The following DPP6 variants were observed in gnomAD, a reference collection of about 807,000 sequenced individuals.
DPP6 encodes dipeptidyl peptidase like 6.
A neutral mutation model predicts 122.6 loss-of-function variants in DPP6; 69 were observed. The ratio of observed to expected loss-of-function variants is 0.56; its 90% CI spans 0.46 to 0.69. The LOEUF (loss-of-function observed/expected upper bound fraction) is 0.69, where lower values mean the gene tolerates loss of function less well. DPP6 is among the 30% of genes least tolerant of loss of function. The pLI, the probability that DPP6 is intolerant of heterozygous loss-of-function variation, is 0.00. For synonymous variants in DPP6, 418 were observed against 433.1 expected (o/e 0.97, Z 0.43); for missense variants, 928 against 1,116.9 (o/e 0.83, Z 2.41).
chr7:153,779,257 A>G, the DPP6 span, among the ~76,000 whole-genome samples: 1 of 147,746 alleles, frequency 6.8e-6, no homozygotes. Flanking sequence ...AGCATGAAGT[A>G]TCTTGTGGTG....
rs79636422 is a variant in DPP6 at position 154,405,233 on chromosome 7, G to A, written c.244-40981G>A. Among the ~76,000 whole-genome samples, 602 of 152,144 alleles carry A rather than the reference G, an allele frequency of 4.0e-3. 5 individuals carry two copies. Among genetic ancestry groups the A allele is most frequent in the African/African-American group, 0.013 (560 of 41,504 alleles). ...TCATACACCCATTAAATTACATAGC[G>A]CTTCCTCCAGATCTTCAGGTCCAGA... is the stretch of plus-strand genomic sequence containing the variant. On this transcript the variant is annotated intron_variant, in intron 1 of 25. Transcript: ENST00000377770.
chr7:154,531,421 A>G (rs993958349), intron 3 of DPP6, among the ~76,000 whole-genome samples: 10 of 152,212 alleles, frequency 6.6e-5, no homozygotes, highest in Non-Finnish European at 1.3e-4. Context: ...TAAACTGGAA[A>G]TCTATATTCA....
At chr7:154,367,963 C>G (rs958693571) in intron 1 of DPP6, among the ~76,000 whole-genome samples, 1 of 152,108 alleles carries the variant, frequency 6.6e-6, no homozygotes, top group South Asian at 2.1e-4. Context: ...CCTGCCACCA[C>G]GCCCAACTGA....
In DPP6 at chr7:154,372,765, G is replaced by T. The variant is rs548137166; in HGVS notation, c.244-73449G>T. Among the ~76,000 whole-genome samples, 167 of 152,330 alleles carry T rather than the reference G, an allele frequency of 1.1e-3. 1 individual carries two copies. The highest frequency in any genetic ancestry group is 2.0e-3 in the Non-Finnish European group (134 of 68,028). Reference sequence around the variant, plus strand: ...AACAGTTGATAGTTTGCCAGTGCAGGTTCTGCTCTGTGAGGCACGTCCAGG... The same window carrying T: ...AACAGTTGATAGTTTGCCAGTGCAGTTTCTGCTCTGTGAGGCACGTCCAGG... On this transcript the variant is annotated intron_variant, in intron 1 of 25. Transcript: ENST00000377770.
chr7:154,112,829 A>G (rs894407128), intron 1 of DPP6, among the ~76,000 whole-genome samples: 1 of 152,198 alleles, frequency 6.6e-6, no homozygotes, highest in Non-Finnish European at 1.5e-5. Flanking sequence ...GGATACAGCA[A>G]ATATCTAGAA....
the DPP6 span, among the ~76,000 whole-genome samples, chr7:153,785,774 T>A: frequency 1.8e-4 from 28 of 152,268 alleles, no homozygotes; most frequent in African/African-American, 2.4e-4. Context: ...CACTTCAGCC[T>A]CCCTAGTACC....
chr7:153,825,768 C>A, the DPP6 span, among the ~76,000 whole-genome samples: 455 of 152,144 alleles, frequency 3.0e-3, 7 homozygotes, highest in African/African-American at 0.01. Context: ...GCCATGTTGT[C>A]CAGGCTGGTC....
intron 1 of DPP6, among the ~76,000 whole-genome samples, chr7:154,322,043 C>T (rs1228009147): frequency 1.9e-4 from 27 of 143,698 alleles, no homozygotes; most frequent in African/African-American, 7.0e-4. Flanking sequence ...ACCACACCCC[C>T]AACCCCCAAC....
chr7:154,197,211 G>A (rs1798914630), intron 1 of DPP6, among the ~76,000 whole-genome samples: 1 of 151,686 alleles, frequency 6.6e-6, no homozygotes, highest in African/African-American at 2.4e-5. Context: ...TGGGTGTGGG[G>A]AAAGTTTAAT....
intron 1 of DPP6, among the ~76,000 whole-genome samples, chr7:154,383,246 T>A (rs1813784654): frequency 6.6e-6 from 1 of 152,188 alleles, no homozygotes; most frequent in African/African-American, 2.4e-5. Context: ...AATGAGCCAA[T>A]ACTTGGAATT....
intron 17 of DPP6, among the ~76,000 whole-genome samples, chr7:154,860,505 G>T (rs973690973): frequency 2.6e-5 from 4 of 152,220 alleles, no homozygotes; most frequent in African/African-American, 7.2e-5. Flanking sequence ...GGACCAGCAG[G>T]GGGGCCTCCA....
At chr7:154,386,933 C>A (rs965147059) in intron 1 of DPP6, among the ~76,000 whole-genome samples, 2 of 74,794 alleles carry the variant, frequency 2.7e-5, no homozygotes, top group African/African-American at 5.7e-5. Flanking sequence ...CAGAGGAGGG[C>A]TTGAGCATGG....
the DPP6 span, among the ~76,000 whole-genome samples, chr7:153,880,268 C>T: frequency 5.9e-5 from 9 of 152,158 alleles, no homozygotes; most frequent in Admixed American, 4.6e-4. Context: ...AAAGACTCTA[C>T]AAGAACTCTA....
Position 154,880,925 on chromosome 7 carries a change from G to A in DPP6, c.2116G>A (p.Val706Met), listed in dbSNP as rs370422755. The change falls in exon 21 of 26, where the codon GTG becomes ATG. Residue 706 changes from valine to methionine, a missense_variant. Coordinates refer to ENST00000377770, the MANE Select transcript of DPP6 (RefSeq NM_130797.4). ...GGAGCAGTACATTGACAGGACGCGCGTGGCCGTGTTTGGGAAGGTGAGTCT... is the reference window on the plus strand; with the variant it reads ...GGAGCAGTACATTGACAGGACGCGCATGGCCGTGTTTGGGAAGGTGAGTCT... ...LKEQYIDRTR[V>M]AVFGKDYGGY... is the part of the protein sequence containing the mutation. The A allele has an allele frequency of 1.2e-5, 19 of 1,613,966 alleles. No individual in the cohort carries two copies. Among genetic ancestry groups the A allele is most frequent in the Admixed American group, 1.2e-4 (7 of 60,020 alleles).
chr7:154,510,926 ACACACACATG>A (rs1826023585), intron 3 of DPP6, among the ~76,000 whole-genome samples: 1 of 112,524 alleles, frequency 8.9e-6, no homozygotes, highest in Non-Finnish European at 1.8e-5. Context: ...TTACACATAC[ACACACACATG>A]CACACACACA....
At chr7:154,534,601 A>C (rs1280019538) in intron 3 of DPP6, among the ~76,000 whole-genome samples, 1 of 152,208 alleles carries the variant, frequency 6.6e-6, no homozygotes, top group Non-Finnish European at 1.5e-5. Flanking sequence ...AATGAAATTA[A>C]ACAGTAATAC....
chr7:153,988,183 G>A (rs779781475), intron 1 of DPP6, among the ~76,000 whole-genome samples: 1 of 152,248 alleles, frequency 6.6e-6, no homozygotes, highest in South Asian at 2.1e-4. Context: ...GAGGGAGGGC[G>A]TCGAGGGTGA....
the DPP6 span, among the ~76,000 whole-genome samples, chr7:153,807,347 GAGCCGAGATCGTGCCAC>G: frequency 6.6e-6 from 1 of 151,476 alleles, no homozygotes; most frequent in Non-Finnish European, 1.5e-5. Context: ...AGGTTGCAGT[GAGCCGAGATCGTGCCAC>G]AGCCGAGATC....
chr7:154,215,020 A>G (rs1289246629), intron 1 of DPP6, among the ~76,000 whole-genome samples: 8 of 152,136 alleles, frequency 5.3e-5, no homozygotes, highest in African/African-American at 1.9e-4. Flanking sequence ...TTGCCTTTCC[A>G]CTTAAAGAGA....
Sources: gnomAD v4.1 joint callset for allele counts (sites outside exome capture counted in the v4.1 genomes callset) on GRCh38, gnomAD v4.1.1 for gene constraint, MANE v1.5 for transcripts, NCBI Gene and HGNC (gene_info 2026-07-23, HGNC 2026-07-21) for gene names.